NLGN1: variants seen among roughly 807,000 people sequenced by gnomAD.
NLGN1 encodes neuroligin 1.
A neutral mutation model predicts 65.5 loss-of-function variants in NLGN1; 12 were observed. The ratio of observed to expected loss-of-function variants is 0.18; its 90% CI spans 0.12 to 0.30. The LOEUF (loss-of-function observed/expected upper bound fraction) is 0.30, where lower values mean the gene tolerates loss of function less well. NLGN1 is among the 10% of genes least tolerant of loss of function. The probability of loss-of-function intolerance (pLI) is 1.00; values close to 1 mark genes in which losing one functional copy is unlikely to be tolerated. For synonymous variants in NLGN1, 350 were observed against 359.5 expected (o/e 0.97, Z 0.30); for missense variants, 750 against 1,007.1 (o/e 0.74, Z 3.46).
intron 4 of NLGN1, among the ~76,000 whole-genome samples, chr3:174,135,302 G>GT (rs967998256): frequency 6.6e-6 from 1 of 152,136 alleles, no homozygotes; most frequent in Non-Finnish European, 1.5e-5. Context: ...AAATGAAATT[G>GT]TAAGTAGTTA....
chr3:174,155,987 TA>T (rs967221044), intron 4 of NLGN1, among the ~76,000 whole-genome samples: 73 of 152,028 alleles, frequency 4.8e-4, no homozygotes, highest in African/African-American at 1.5e-3. Context: ...CATAATAACA[TA>T]AACTGTCAGG....
intron 3 of NLGN1, among the ~76,000 whole-genome samples, chr3:173,621,848 A>G (rs752725636): frequency 5.9e-5 from 9 of 152,104 alleles, no homozygotes; most frequent in Non-Finnish European, 1.0e-4. Context: ...AGGATAGATT[A>G]GCTTGTGAAA....
exon 7 of NLGN1, chr3:174,281,198 A>C: frequency 6.2e-7 from 1 of 1,613,254 alleles, no homozygotes; most frequent in Non-Finnish European, 8.5e-7. Context: ...ACACTATACC[A>C]GGGATTCAGC....
At chr3:174,034,893 T>C (rs1234495809) in intron 4 of NLGN1, among the ~76,000 whole-genome samples, 1 of 151,954 alleles carries the variant, frequency 6.6e-6, no homozygotes, top group African/African-American at 2.4e-5. Flanking sequence ...ACTGTGAGGG[T>C]GGATAAAAAA....
chr3:174,240,847 G>A (rs920770670), intron 4 of NLGN1, among the ~76,000 whole-genome samples: 2 of 152,184 alleles, frequency 1.3e-5, no homozygotes, highest in African/African-American at 4.8e-5. Context: ...AGGAATCCAG[G>A]TGGACTGCTT....
At chr3:173,975,082 G>T (rs1319750078) in intron 4 of NLGN1, among the ~76,000 whole-genome samples, 1 of 152,002 alleles carries the variant, frequency 6.6e-6, no homozygotes, top group Non-Finnish European at 1.5e-5. Context: ...TGGGGTCTGT[G>T]GCAGTGTCAG....
At chr3:173,540,640 C>T (rs563397230) in intron 2 of NLGN1, among the ~76,000 whole-genome samples, 65 of 152,154 alleles carry the variant, frequency 4.3e-4, no homozygotes, top group Non-Finnish European at 8.1e-4. Flanking sequence ...GCAGCCCTGC[C>T]ATGTTCTCAG....
chr3:174,011,659 G>A (rs1050727523), intron 4 of NLGN1, among the ~76,000 whole-genome samples: 2 of 151,974 alleles, frequency 1.3e-5, no homozygotes, highest in African/African-American at 4.8e-5. Context: ...TGGGGCCCTA[G>A]GAGTTCTCTT....
chr3:173,623,549 A>G (rs1754356976), intron 3 of NLGN1, among the ~76,000 whole-genome samples: 1 of 152,156 alleles, frequency 6.6e-6, no homozygotes, highest in Admixed American at 6.6e-5. Flanking sequence ...GCATGGGCAA[A>G]GAGAAGCATT....
chr3:173,800,893 A>C (rs936186740), intron 3 of NLGN1, among the ~76,000 whole-genome samples: 1 of 152,000 alleles, frequency 6.6e-6, no homozygotes, highest in African/African-American at 2.4e-5. Context: ...TTATTTGCTT[A>C]AATGTCACAT....
At chr3:173,657,884 T>C (rs1760301506) in intron 3 of NLGN1, among the ~76,000 whole-genome samples, 1 of 151,854 alleles carries the variant, frequency 6.6e-6, no homozygotes, top group African/African-American at 2.4e-5. Context: ...ATGACTCTCC[T>C]TTTTTTCATA....
At chr3:173,741,591 C>T (rs1337591055) in intron 3 of NLGN1, among the ~76,000 whole-genome samples, 1 of 152,082 alleles carries the variant, frequency 6.6e-6, no homozygotes, top group Non-Finnish European at 1.5e-5. Context: ...CTCCTAGGTT[C>T]GAGTGACTCT....
intron 2 of NLGN1, among the ~76,000 whole-genome samples, chr3:173,508,600 A>G (rs1190704547): frequency 1.3e-5 from 2 of 151,994 alleles, no homozygotes; most frequent in African/African-American, 2.4e-5. Context: ...TTTTTCCTCT[A>G]TGGTTGTTCT....
intron 2 of NLGN1, among the ~76,000 whole-genome samples, chr3:173,540,595 A>G (rs1432160090): frequency 6.6e-6 from 1 of 152,062 alleles, no homozygotes; most frequent in African/African-American, 2.4e-5. Context: ...GGCTCCTTTC[A>G]TGGGTCCATG....
At chr3:174,244,155 GA>G (rs2152834544) in intron 4 of NLGN1, among the ~76,000 whole-genome samples, 1 of 152,270 alleles carries the variant, frequency 6.6e-6, no homozygotes, top group South Asian at 2.1e-4. Context: ...AATGGCTAAA[GA>G]AGGGAAAAGA....
chr3:174,022,549 C>A (rs1301090309), intron 4 of NLGN1, among the ~76,000 whole-genome samples: 1 of 152,114 alleles, frequency 6.6e-6, no homozygotes, highest in African/African-American at 2.4e-5. Context: ...ATCCTATTGA[C>A]AAGTACTGTG....
intron 4 of NLGN1, among the ~76,000 whole-genome samples, chr3:174,262,736 G>T (rs1747192550): frequency 7.7e-6 from 1 of 130,088 alleles, no homozygotes; most frequent in African/African-American, 3.0e-5. Flanking sequence ...GCTTTTGAAT[G>T]TGTTTGCTCT....
intron 3 of NLGN1, among the ~76,000 whole-genome samples, chr3:173,733,193 T>C (rs1307497213): frequency 2.0e-5 from 3 of 152,164 alleles, no homozygotes; most frequent in African/African-American, 4.8e-5. Context: ...ATTGGAGTTG[T>C]TGAGTGAGTG....
At position 173,720,362 on chromosome 3, in the gene NLGN1, T is replaced by G. The variant is rs369515623; in HGVS notation, c.494-87318T>G. ...AAGTTTCATTTTTCCCTTATTCAAG[T>G]GACCGGAAGGTCAGTTATTTTTTGT... On this transcript the variant is annotated intron_variant, in intron 3 of 6. Coordinates refer to ENST00000457714, the Ensembl canonical transcript of NLGN1. Among the ~76,000 whole-genome samples the G allele has an allele frequency of 2.6e-5, 4 of 152,342 alleles. No homozygotes were observed. In the East Asian group the frequency reaches 5.8e-4, roughly 22 times the overall value.
Sources: gnomAD v4.1 joint callset for allele counts (sites outside exome capture counted in the v4.1 genomes callset) on GRCh38, gnomAD v4.1.1 for gene constraint, MANE v1.5 for transcripts, NCBI Gene and HGNC (gene_info 2026-07-23, HGNC 2026-07-21) for gene names.